Variants in CADM1 observed in about 807,000 individuals in gnomAD.
CADM1 encodes TSLC-1.
CADM1 carries 15 observed loss-of-function variants against 53.1 expected under a neutral mutation model. The ratio of observed to expected loss-of-function variants is 0.28; its 90% CI spans 0.19 to 0.44. The LOEUF (loss-of-function observed/expected upper bound fraction) is 0.44, where lower values mean the gene tolerates loss of function less well. Ranked by LOEUF, CADM1 falls within the 20% of genes least tolerant of loss-of-function variation. The pLI is 1.00. For synonymous variants in CADM1, 281 were observed against 243.0 expected (o/e 1.16, Z -1.45); for missense variants, 434 against 611.3 (o/e 0.71, Z 3.06).
At chr11:115,262,853 C>T (rs978987137) in intron 1 of CADM1, among the ~76,000 whole-genome samples, 1 of 151,484 alleles carries the variant, frequency 6.6e-6, no homozygotes, top group African/African-American at 2.4e-5. Context: ...AGAAAAGTTG[C>T]AAAAATAATG....
intron 1 of CADM1, among the ~76,000 whole-genome samples, chr11:115,293,123 G>T (rs1192892931): frequency 6.6e-6 from 1 of 152,150 alleles, no homozygotes; most frequent in Non-Finnish European, 1.5e-5. Flanking sequence ...AGTTTCCAAT[G>T]ACTTTTTTTA....
intron 1 of CADM1, among the ~76,000 whole-genome samples, chr11:115,383,604 G>A (rs1946629618): frequency 1.3e-5 from 2 of 152,222 alleles, no homozygotes; most frequent in Non-Finnish European, 2.9e-5. Context: ...ACCTGCATCA[G>A]TGGCTAAGTA....
chr11:115,442,142 C>G (rs931882139), intron 1 of CADM1, among the ~76,000 whole-genome samples: 3 of 151,620 alleles, frequency 2.0e-5, no homozygotes, highest in African/African-American at 7.3e-5. Context: ...AGGGCATGCA[C>G]AGTCAAGGAT....
intron 5 of CADM1, among the ~76,000 whole-genome samples, chr11:115,218,724 C>T (rs933813781): frequency 7.2e-5 from 11 of 152,156 alleles, no homozygotes; most frequent in Middle Eastern, 3.2e-3. Context: ...TCCATAAGTG[C>T]ATTTCCAATG....
At position 115,178,866 on chromosome 11, in the gene CADM1, C is replaced by G. The variant is rs1939173851; in HGVS notation, c.1166-91G>C. ...ACTGTCTCCAGGGTCAGAGGGTCAC[C>G]TTCTTTTTTAATGGAGGAGTCACAG... is the stretch of plus-strand genomic sequence containing the variant. On this transcript the variant is annotated intron_variant, in intron 10 of 11. Coordinates refer to ENST00000331581, the MANE Select transcript of CADM1 (RefSeq NM_001301043.2). 8.5e-6 allele frequency: 12 copies of G among 1,414,492 alleles called. 1 individual carries two copies. Among genetic ancestry groups the G allele is most frequent in the Middle Eastern group, 3.7e-4 (2 of 5,462 alleles). The allele number at this position is 1,414,492 out of a possible 1,614,324, so 87.6% of individuals were successfully genotyped here.
chr11:115,429,464 G>C (rs538649404), intron 1 of CADM1, among the ~76,000 whole-genome samples: 1 of 151,968 alleles, frequency 6.6e-6, no homozygotes, highest in African/African-American at 2.4e-5. Flanking sequence ...AATTATCTGG[G>C]CGTTGCGGTG....
intron 1 of CADM1, among the ~76,000 whole-genome samples, chr11:115,425,764 T>C (rs1947874234): frequency 6.6e-6 from 1 of 152,218 alleles, no homozygotes; most frequent in Non-Finnish European, 1.5e-5. Flanking sequence ...TGACACTTCA[T>C]AGAAAGACAA....
chr11:115,314,790 G>A (rs943676967), intron 1 of CADM1, among the ~76,000 whole-genome samples: 1 of 152,092 alleles, frequency 6.6e-6, no homozygotes, highest in African/African-American at 2.4e-5. Context: ...CCTGCCAGCA[G>A]GAATAAAAAC....
chr11:115,461,497 AG>A (rs1447292358), intron 1 of CADM1, among the ~76,000 whole-genome samples: 1 of 152,216 alleles, frequency 6.6e-6, no homozygotes, highest in Non-Finnish European at 1.5e-5. Flanking sequence ...GCAAAGCAAA[AG>A]GAAGTCCGGA....
intron 1 of CADM1, among the ~76,000 whole-genome samples, chr11:115,308,118 T>G (rs1247038795): frequency 1.3e-5 from 2 of 150,036 alleles, no homozygotes; most frequent in African/African-American, 2.5e-5. Context: ...AAATGATTCC[T>G]GTAAAAGACA....
At chr11:115,393,771 A>T (rs914139164) in intron 1 of CADM1, among the ~76,000 whole-genome samples, 1 of 152,168 alleles carries the variant, frequency 6.6e-6, no homozygotes, top group Non-Finnish European at 1.5e-5. Context: ...AAGAGGAACA[A>T]ACCTGAAAAA....
At chr11:115,237,256 A>T (rs943070219) in intron 3 of CADM1, among the ~76,000 whole-genome samples, 9 of 152,324 alleles carry the variant, frequency 5.9e-5, no homozygotes, top group Non-Finnish European at 1.3e-4. Flanking sequence ...CTACAGGTCT[A>T]ATCTGGAGTA....
At chr11:115,268,978 G>A (rs1943221572) in intron 1 of CADM1, among the ~76,000 whole-genome samples, 2 of 152,264 alleles carry the variant, frequency 1.3e-5, no homozygotes, top group South Asian at 4.1e-4. Flanking sequence ...ACGTGGCCCA[G>A]CAGGAGGTAA....
At chr11:115,342,515 A>C (rs938285074) in intron 1 of CADM1, among the ~76,000 whole-genome samples, 1 of 152,180 alleles carries the variant, frequency 6.6e-6, no homozygotes, top group African/African-American at 2.4e-5. Flanking sequence ...TAGTATATGC[A>C]CTTAAACCCT....
intron 10 of CADM1, among the ~76,000 whole-genome samples, chr11:115,180,601 T>C (rs1408429757): frequency 4.6e-5 from 7 of 151,952 alleles, no homozygotes; most frequent in Admixed American, 4.6e-4. Context: ...GAAAGTCATT[T>C]CAACAAGGCA....
At chr11:115,280,519 G>T (rs1417842149) in intron 1 of CADM1, among the ~76,000 whole-genome samples, 1 of 152,200 alleles carries the variant, frequency 6.6e-6, no homozygotes, top group East Asian at 1.9e-4. Flanking sequence ...AAGAACAGGG[G>T]ATTAATTGTT....
At chr11:115,404,020 C>A (rs560476557) in intron 1 of CADM1, among the ~76,000 whole-genome samples, 2 of 151,156 alleles carry the variant, frequency 1.3e-5, no homozygotes, top group African/African-American at 4.9e-5. Context: ...AACCAGATAT[C>A]CTCATAGAAA....
intron 1 of CADM1, among the ~76,000 whole-genome samples, chr11:115,332,288 A>G (rs907936858): frequency 2.6e-5 from 4 of 152,198 alleles, no homozygotes; most frequent in African/African-American, 9.6e-5. Flanking sequence ...TGGGGCAGGT[A>G]GAAGTTAGAA....
At chr11:115,273,546 A>G (rs1943362452) in intron 1 of CADM1, among the ~76,000 whole-genome samples, 1 of 152,206 alleles carries the variant, frequency 6.6e-6, no homozygotes, top group South Asian at 2.1e-4. Flanking sequence ...CATGATTTTT[A>G]TCACATATTT....
Sources: allele counts gnomAD v4.1 joint callset (sites outside exome capture counted in the v4.1 genomes callset), GRCh38; gene constraint gnomAD v4.1.1; transcripts MANE v1.5; gene names NCBI Gene and HGNC (gene_info 2026-07-23, HGNC 2026-07-21).